Variants in FREM1 observed in about 807,000 individuals in gnomAD.
FREM1 encodes FRAS1-related extracellular matrix protein 1.
Under a neutral mutation model 210.1 loss-of-function variants are expected in FREM1, and 220 were observed. That is an observed-to-expected ratio of 1.05 (90% CI 0.94 to 1.17). The LOEUF (loss-of-function observed/expected upper bound fraction) is 1.17. Among genes scored for constraint, FREM1 ranks in the 50% most tolerant of loss-of-function variants. The pLI, the probability that FREM1 is intolerant of heterozygous loss-of-function variation, is 0.00. For synonymous variants in FREM1, 1,189 were observed against 980.2 expected (o/e 1.21, Z -3.98); for missense variants, 3,454 against 2,675.5 (o/e 1.29, Z -6.42).
chr9:14,740,985 T>TA (rs980539936), intron 35 of FREM1, among the ~76,000 whole-genome samples: 24 of 151,890 alleles, frequency 1.6e-4, no homozygotes, highest in East Asian at 5.8e-4. Flanking sequence ...TCTTTAAAAA[T>TA]AAAAAAAACA....
At chr9:14,803,290 T>A (rs1817683747) in intron 19 of FREM1, among the ~76,000 whole-genome samples, 1 of 145,908 alleles carries the variant, frequency 6.9e-6, no homozygotes, top group African/African-American at 2.5e-5. Flanking sequence ...TTTTTTCTTT[T>A]CCTTTCCCTT....
chr9:14,763,559 G>C (rs542553517), intron 27 of FREM1, among the ~76,000 whole-genome samples: 1 of 152,298 alleles, frequency 6.6e-6, no homozygotes, highest in Admixed American at 6.5e-5. Context: ...AACCACTGTT[G>C]TAAGTGGAAG....
At chr9:14,860,826 C>CAT (rs1554707561) in intron 3 of FREM1, among the ~76,000 whole-genome samples, 5 of 83,676 alleles carry the variant, frequency 6.0e-5, no homozygotes, top group East Asian at 1.1e-3. Flanking sequence ...CACATATATA[C>CAT]ATATATACGT....
At chr9:14,821,734 G>C (rs550358629) in intron 13 of FREM1, among the ~76,000 whole-genome samples, 5 of 152,230 alleles carry the variant, frequency 3.3e-5, no homozygotes, top group Non-Finnish European at 7.3e-5. Flanking sequence ...AGTGTGGTGA[G>C]TTGGATGGGG....
chr9:14,878,806 C>T (rs1834254569), intron 1 of FREM1, among the ~76,000 whole-genome samples: 1 of 152,030 alleles, frequency 6.6e-6, no homozygotes, highest in African/African-American at 2.4e-5. Flanking sequence ...GCCTTAAATT[C>T]CCTTATACTG....
At position 14,851,405 on chromosome 9, in the gene FREM1, T is replaced by A; in HGVS notation, c.1031A>T (p.Tyr344Phe). 1 of 1,613,912 alleles carries A rather than the reference T, an allele frequency of 6.2e-7. No homozygotes were observed. Among genetic ancestry groups the A allele is most frequent in the Non-Finnish European group, 8.5e-7 (1 of 1,179,804 alleles). The change falls in exon 6 of 37, where the codon TAT becomes TTT. Residue 344 changes from tyrosine (Y) to phenylalanine (F), a missense_variant. Transcript: ENST00000380880. ...FNITKAPLQG[Y>F]VTHLLDHTRP... is the part of the protein sequence containing the mutation. ...GGTGTGATCCAACAGGTGAGTCACA[T>A]AGCCCTGGAGCGGGGCTTTAGTAAT...
At chr9:14,905,980 G>A (rs184902160) in intron 1 of FREM1, among the ~76,000 whole-genome samples, 1 of 152,084 alleles carries the variant, frequency 6.6e-6, no homozygotes, top group Non-Finnish European at 1.5e-5. Context: ...GTTGAGATCT[G>A]TTCTCCCCAG....
chr9:14,829,821 G>T (rs1456969217), intron 10 of FREM1, among the ~76,000 whole-genome samples: 1 of 152,116 alleles, frequency 6.6e-6, no homozygotes, highest in Non-Finnish European at 1.5e-5. Flanking sequence ...ATTCTACTTG[G>T]TAGACAGCTT....
intron 1 of FREM1, among the ~76,000 whole-genome samples, chr9:14,880,215 C>A (rs1049212888): frequency 6.6e-6 from 1 of 152,100 alleles, no homozygotes; most frequent in Admixed American, 6.6e-5. Flanking sequence ...ATTCTTTAAG[C>A]CACCCTGTCT....
intron 1 of FREM1, among the ~76,000 whole-genome samples, chr9:14,876,092 G>C (rs986527649): frequency 6.6e-6 from 1 of 152,148 alleles, no homozygotes; most frequent in African/African-American, 2.4e-5. Context: ...CCTACTGGGG[G>C]GTGCCTCCCA....
At chr9:14,844,077 T>C (rs1047553463) in intron 8 of FREM1, among the ~76,000 whole-genome samples, 7 of 151,918 alleles carry the variant, frequency 4.6e-5, no homozygotes, top group Admixed American at 3.9e-4. Context: ...ACAGTGTCTG[T>C]CACAAAGTAA....
At chr9:14,792,270 A>G (rs865984958) in intron 22 of FREM1, among the ~76,000 whole-genome samples, 2 of 102,710 alleles carry the variant, frequency 1.9e-5, no homozygotes, top group Admixed American at 1.2e-4. Flanking sequence ...CCACACACAC[A>G]CGCACACACA....
intron 1 of FREM1, among the ~76,000 whole-genome samples, chr9:14,909,188 A>G (rs1432397772): frequency 6.6e-6 from 1 of 152,022 alleles, no homozygotes; most frequent in African/African-American, 2.4e-5. Flanking sequence ...TGGGTGCAAT[A>G]GTTTAAAAAA....
At chr9:14,875,565 T>G (rs1833551930) in intron 1 of FREM1, among the ~76,000 whole-genome samples, 1 of 152,240 alleles carries the variant, frequency 6.6e-6, no homozygotes, top group African/African-American at 2.4e-5. Context: ...TTATTCTAGT[T>G]ACACATTCGT....
In FREM1 at chr9:14,760,907, C is replaced by A. The variant is rs544272543; in HGVS notation, c.5205-1006G>T. On this transcript the variant is annotated intron_variant, in intron 27 of 36. Transcript: ENST00000380880. ...TATAGAGCAGGATAAAAGACACAAG[C>A]AACCTTCACTACGATTGTTAACTGC... is the stretch of plus-strand genomic sequence containing the variant. Among the ~76,000 whole-genome samples the A allele has an allele frequency of 1.0e-3, 156 of 152,114 alleles. No homozygotes were observed. The South Asian group carries it at 0.032, about 31-fold the overall frequency.
At chr9:14,789,675 T>C (rs1320740827) in intron 22 of FREM1, among the ~76,000 whole-genome samples, 1 of 152,214 alleles carries the variant, frequency 6.6e-6, no homozygotes, top group African/African-American at 2.4e-5. Flanking sequence ...TACATTTATA[T>C]CCTAAGTCAT....
chr9:14,804,965 C>T lies in FREM1; in HGVS notation c.3462G>A (p.Gln1154=), dbSNP rs747988496. 6.2e-7 allele frequency: 1 copy of T among 1,608,746 alleles called. No individual in the cohort carries two copies. The highest frequency in any genetic ancestry group is 1.1e-5 in the South Asian group (1 of 90,944). Reference sequence around the variant, plus strand: ...TGGATATGTTTCTTACAGTAATATTCTGCACTACAAAGTCAGGAGCTTCAT... The same window carrying T: ...TGGATATGTTTCTTACAGTAATATTTTGCACTACAAAGTCAGGAGCTTCAT... The part of the protein sequence containing the change: ...TNDEAPDFVV[Q]NITVCEGQMK... The change falls in exon 19 of 37, where the codon CAG becomes CAA. Residue 1154 remains glutamine (Q), a synonymous_variant. Coordinates refer to ENST00000380880, the MANE Select transcript of FREM1 (RefSeq NM_001379081.2).
intron 24 of FREM1, among the ~76,000 whole-genome samples, chr9:14,776,578 T>C (rs1307526057): frequency 6.6e-6 from 1 of 152,232 alleles, no homozygotes; most frequent in Non-Finnish European, 1.5e-5. Context: ...CCTTTATTTA[T>C]TTATAATTTT....
At chr9:14,759,538 C>G (rs1845081033) in intron 28 of FREM1, among the ~76,000 whole-genome samples, 1 of 5,376 alleles carries the variant, frequency 1.9e-4, no homozygotes, top group Non-Finnish European at 8.4e-4. Context: ...AATAATATCT[C>G]TTGTGCTAGC....
Sources: allele counts gnomAD v4.1 joint callset (sites outside exome capture counted in the v4.1 genomes callset), GRCh38; gene constraint gnomAD v4.1.1; transcripts MANE v1.5; gene names NCBI Gene and HGNC (gene_info 2026-07-23, HGNC 2026-07-21).